The following KCNIP1 variants were observed in gnomAD, a reference collection of about 807,000 sequenced individuals.
KCNIP1 encodes potassium voltage-gated channel interacting protein 1.
In KCNIP1, 18 loss-of-function variants were observed where a neutral mutation model predicts 33.0. The ratio of observed to expected loss-of-function variants is 0.55; its 90% CI spans 0.38 to 0.81. The LOEUF is 0.81. Among genes scored for constraint, KCNIP1 ranks in the 30% least tolerant of loss-of-function variants. The pLI is 0.00. For synonymous variants in KCNIP1, 93 were observed against 98.3 expected (o/e 0.95, Z 0.32); for missense variants, 238 against 271.6 (o/e 0.88, Z 0.87).
chr5:170,677,127 T>C (rs189830228), intron 1 of KCNIP1, among the ~76,000 whole-genome samples: 18 of 152,328 alleles, frequency 1.2e-4, no homozygotes, highest in Admixed American at 6.5e-4. Flanking sequence ...CAGTAATAAT[T>C]ATACTAATAT....
At chr5:170,661,476 A>C (rs932073356) in intron 1 of KCNIP1, among the ~76,000 whole-genome samples, 3 of 152,154 alleles carry the variant, frequency 2.0e-5, no homozygotes, top group Non-Finnish European at 4.4e-5. Context: ...GGGGAATCCC[A>C]AAGATGCTGC....
chr5:170,720,352 C>A lies in KCNIP1; in HGVS notation c.218C>A (p.Thr73Lys). The change falls in exon 3 of 8, where the codon ACA becomes AAA. Residue 73 changes from threonine to lysine, a missense_variant. Transcript: ENST00000328939. ...CCCAGTGGTGTGGTCAACGAAGACA[C>A]ATTCAAGCAGATCTATGCTCAGTTT... The part of the protein sequence containing the change: ...ECPSGVVNED[T>K]FKQIYAQFFP... 1 of 1,614,124 alleles carries A rather than the reference C, an allele frequency of 6.2e-7. No individual in the cohort carries two copies. The highest frequency in any genetic ancestry group is 1.3e-5 in the African/African-American group (1 of 75,056).
chr5:170,691,166 G>A (rs977024569), intron 1 of KCNIP1, among the ~76,000 whole-genome samples: 1 of 152,186 alleles, frequency 6.6e-6, no homozygotes, highest in African/African-American at 2.4e-5. Flanking sequence ...TGCATCCTAT[G>A]GGTTATGCAC....
chr5:170,364,564 G>A (rs1000745726), intron 1 of KCNIP1, among the ~76,000 whole-genome samples: 20 of 152,034 alleles, frequency 1.3e-4, no homozygotes, highest in African/African-American at 1.9e-4. Context: ...TGCATGATCC[G>A]TCCTCTGCAT....
At chr5:170,674,476 C>T (rs954116342) in intron 1 of KCNIP1, among the ~76,000 whole-genome samples, 1 of 152,162 alleles carries the variant, frequency 6.6e-6, no homozygotes, top group Non-Finnish European at 1.5e-5. Context: ...TGAATGTGCT[C>T]ATTATTCCTC....
At chr5:170,510,272 T>G (rs534052625) in intron 1 of KCNIP1, among the ~76,000 whole-genome samples, 1 of 152,332 alleles carries the variant, frequency 6.6e-6, no homozygotes, top group Non-Finnish European at 1.5e-5. Flanking sequence ...GTTTACACAT[T>G]TATCTCTCTG....
chr5:170,451,159 C>T (rs189494302), intron 1 of KCNIP1, among the ~76,000 whole-genome samples: 41 of 152,260 alleles, frequency 2.7e-4, no homozygotes, highest in African/African-American at 9.6e-4. Flanking sequence ...AAGACAAAAT[C>T]GAGAGCACTT....
chr5:170,603,906 T>C (rs1478347541), intron 1 of KCNIP1, among the ~76,000 whole-genome samples: 1 of 152,052 alleles, frequency 6.6e-6, no homozygotes, highest in African/African-American at 2.4e-5. Flanking sequence ...GGAAAACCAC[T>C]GTCTTCACTG....
intron 1 of KCNIP1, among the ~76,000 whole-genome samples, chr5:170,632,476 TC>T (rs1431591897): frequency 2.0e-5 from 3 of 152,210 alleles, no homozygotes; most frequent in Non-Finnish European, 4.4e-5. Context: ...GCACTCTGCC[TC>T]CCTAGGCCAG....
chr5:170,562,378 T>C (rs1272184375), intron 1 of KCNIP1, among the ~76,000 whole-genome samples: 2 of 152,156 alleles, frequency 1.3e-5, no homozygotes, highest in Admixed American at 1.3e-4. Flanking sequence ...CTGCATGGGG[T>C]TCTGCAACCA....
At position 170,474,856 on chromosome 5, in the gene KCNIP1, A is replaced by AT. The variant is rs34756633; in HGVS notation, c.88+120898dup. Among the ~76,000 whole-genome samples the AT allele has an allele frequency of 4.6e-5, 7 of 152,274 alleles. 1 individual carries two copies. The highest frequency in any genetic ancestry group is 6.8e-3 in the Middle Eastern group (2 of 294). Reference sequence around the variant, plus strand: ...GACCCAAAGAGTGAGCAGCAGCAAGATTTTTTGTGAAGAGCAACAGAACAA... The same window carrying AT: ...GACCCAAAGAGTGAGCAGCAGCAAGATTTTTTTGTGAAGAGCAACAGAACAA... On this transcript the variant is annotated intron_variant, in intron 1 of 7. Coordinates refer to the KCNIP1 transcript ENST00000377360.
upstream of KCNIP1, chr5:170,503,929 T>TC: frequency 1.6e-4 from 78 of 499,022 alleles, no homozygotes; most frequent in Non-Finnish European, 2.0e-4. Flanking sequence ...GGGCTGGGCG[T>TC]CCCCCGCCCC....
At chr5:170,529,516 A>T (rs1355013746) in intron 1 of KCNIP1, among the ~76,000 whole-genome samples, 1 of 152,220 alleles carries the variant, frequency 6.6e-6, no homozygotes, top group East Asian at 1.9e-4. Flanking sequence ...CAGAAACAAA[A>T]TATGTTACTG....
intron 1 of KCNIP1, among the ~76,000 whole-genome samples, chr5:170,523,926 T>G (rs1755470785): frequency 6.6e-6 from 1 of 152,174 alleles, no homozygotes; most frequent in South Asian, 2.1e-4. Flanking sequence ...TCCCACTCCC[T>G]GTGCACCATC....
intron 1 of KCNIP1, among the ~76,000 whole-genome samples, chr5:170,629,592 G>T (rs576354502): frequency 2.0e-5 from 3 of 152,310 alleles, no homozygotes; most frequent in African/African-American, 7.2e-5. Context: ...GTTAGATTGA[G>T]CTGGGTCCCA....
intron 4 of KCNIP1, 69 bp from the exon 5 acceptor site, chr5:170,722,644 C>A: frequency 9.2e-7 from 1 of 1,081,860 alleles, no homozygotes; most frequent in Non-Finnish European, 1.4e-6. Flanking sequence ...ACAGTCTGAC[C>A]CAAAGACACA....
rs1763873480 is a variant in KCNIP1 at position 170,722,826 on chromosome 5, T to G, written c.435+6T>G. The G allele has an allele frequency of 1.3e-6, 2 of 1,586,596 alleles. No individual in the cohort carries two copies. The highest frequency in any genetic ancestry group is 2.7e-5 in the African/African-American group (2 of 74,362). ...ACGGATACATAAACAAAGAGGTAAGTGAGCTGGGGCCAGGGGTGTGAGAGG... is the reference window on the plus strand; with the variant it reads ...ACGGATACATAAACAAAGAGGTAAGGGAGCTGGGGCCAGGGGTGTGAGAGG... On this transcript the variant is annotated splice_donor_region_variant and intron_variant, in intron 5 of 7. Coordinates refer to ENST00000328939, the MANE Select transcript of KCNIP1 (RefSeq NM_014592.4).
At chr5:170,420,032 C>G (rs769217134) in intron 1 of KCNIP1, among the ~76,000 whole-genome samples, 15 of 152,158 alleles carry the variant, frequency 9.9e-5, no homozygotes, top group Non-Finnish European at 1.9e-4. Flanking sequence ...CTCTGGCCAA[C>G]GGAAACACAA....
chr5:170,518,698 A>C, intron 1 of KCNIP1, among the ~76,000 whole-genome samples: 1 of 152,160 alleles, frequency 6.6e-6, no homozygotes, highest in Admixed American at 6.5e-5. Flanking sequence ...CTTGGCACCT[A>C]CACTGCCCCT....
Sources: gnomAD v4.1 joint callset for allele counts (sites outside exome capture counted in the v4.1 genomes callset) on GRCh38, gnomAD v4.1.1 for gene constraint, MANE v1.5 for transcripts, NCBI Gene and HGNC (gene_info 2026-07-23, HGNC 2026-07-21) for gene names.